The following TGFA variants were observed in gnomAD, a reference collection of about 807,000 sequenced individuals.
TGFA encodes the protein protransforming growth factor alpha.
In TGFA, 12 loss-of-function variants were observed where a neutral mutation model predicts 21.7. The ratio of observed to expected loss-of-function variants is 0.55; its 90% CI spans 0.35 to 0.90. The LOEUF is 0.90. TGFA is among the 40% of genes least tolerant of loss of function. The probability of loss-of-function intolerance (pLI) is 0.01; values close to 1 mark genes in which losing one functional copy is unlikely to be tolerated. For synonymous variants in TGFA, 79 were observed against 88.1 expected (o/e 0.90, Z 0.58); for missense variants, 178 against 210.8 (o/e 0.84, Z 0.96).
chr2:70,479,619 G>GAT (rs1264958318), intron 2 of TGFA, among the ~76,000 whole-genome samples: 14 of 151,578 alleles, frequency 9.2e-5, no homozygotes, highest in African/African-American at 3.4e-4. Context: ...TCTGTATATT[G>GAT]GATCACCGGG....
At chr2:70,537,874 T>G (rs1309757339) in intron 1 of TGFA, among the ~76,000 whole-genome samples, 1 of 152,168 alleles carries the variant, frequency 6.6e-6, no homozygotes, top group Non-Finnish European at 1.5e-5. Flanking sequence ...AAATTTTCAG[T>G]GCAGATGAAA....
intron 3 of TGFA, among the ~76,000 whole-genome samples, chr2:70,458,864 G>C (rs782629702): frequency 3.9e-5 from 6 of 152,212 alleles, no homozygotes; most frequent in Non-Finnish European, 8.8e-5. Context: ...TGCTCTTGCA[G>C]GGCAGGGCTT....
chr2:70,465,782 A>C, intron 2 of TGFA, 46 bp from the exon 3 acceptor site: 1 of 1,608,966 alleles, frequency 6.2e-7, no homozygotes, highest in Non-Finnish European at 8.5e-7. Context: ...AACAGCTGAC[A>C]TGCAAACCCC....
At chr2:70,487,503 G>A (rs534281742) in intron 2 of TGFA, among the ~76,000 whole-genome samples, 1 of 152,090 alleles carries the variant, frequency 6.6e-6, no homozygotes, top group Non-Finnish European at 1.5e-5. Flanking sequence ...ATATAATATT[G>A]TAGATAATTT....
At chr2:70,523,089 T>C (rs1672522953) in intron 1 of TGFA, among the ~76,000 whole-genome samples, 1 of 152,226 alleles carries the variant, frequency 6.6e-6, no homozygotes, top group Non-Finnish European at 1.5e-5. Context: ...CTGTCATCCT[T>C]ATCCAAAGCC....
Position 70,448,137 on chromosome 2 carries a change from T to C in TGFA, c.*2722A>G, listed in dbSNP as rs1669942775. On this transcript the variant is annotated 3_prime_UTR_variant, in exon 6 of 6. Transcript: ENST00000295400. The stretch of plus-strand genomic sequence containing the variant: ...GGGGACACAATGGCCAGCCCATCCC[T>C]GGCTTGGTTCCACGTGTGTCCAGCC... 6.6e-6 allele frequency: 1 copy of C among 152,206 alleles called. No homozygotes were observed. Among genetic ancestry groups the C allele is most frequent in the Admixed American group, 6.5e-5 (1 of 15,278 alleles). 9.4% of individuals were successfully genotyped at this position (152,206 alleles called of 1,614,324 possible). A position where few individuals can be genotyped will look rare whatever the true frequency, so the allele number is the denominator to read the frequency against.
At chr2:70,524,461 T>A (rs1672571355) in intron 1 of TGFA, among the ~76,000 whole-genome samples, 1 of 152,102 alleles carries the variant, frequency 6.6e-6, no homozygotes, top group Non-Finnish European at 1.5e-5. Context: ...AGGGCCCCCA[T>A]CCAAATTCCT....
chr2:70,489,510 G>A (rs1254736461), intron 2 of TGFA, among the ~76,000 whole-genome samples: 3 of 152,154 alleles, frequency 2.0e-5, no homozygotes, highest in East Asian at 3.9e-4. Context: ...CCAACTCAGG[G>A]GTCACTGATG....
chr2:70,523,571 C>T (rs1269103967), intron 1 of TGFA, among the ~76,000 whole-genome samples: 2 of 152,194 alleles, frequency 1.3e-5, no homozygotes, highest in Non-Finnish European at 2.9e-5. Flanking sequence ...CCTTCCAGGT[C>T]GAGCTCAATC....
intron 5 of TGFA, among the ~76,000 whole-genome samples, chr2:70,452,477 T>A (rs1670087583): frequency 1.6e-5 from 2 of 127,362 alleles, no homozygotes; most frequent in South Asian, 4.5e-4. Context: ...TTTAAGGTCA[T>A]TAGAGACCTT....
chr2:70,541,651 T>C (rs441086), intron 1 of TGFA, among the ~76,000 whole-genome samples: 88,291 of 152,000 alleles, frequency 0.58, 25,801 homozygotes, highest in African/African-American at 0.63. Context: ...AAGAGGCCGG[T>C]GCTGTGGCCA....
chr2:70,459,119 G>A (rs577904729), intron 3 of TGFA, among the ~76,000 whole-genome samples: 2 of 152,292 alleles, frequency 1.3e-5, no homozygotes, highest in South Asian at 2.1e-4. Context: ...ATTTCACACA[G>A]CTTGAAACGT....
chr2:70,497,389 C>A (rs7575169), intron 2 of TGFA, among the ~76,000 whole-genome samples: 9,111 of 152,308 alleles, frequency 0.06, 319 homozygotes, highest in Middle Eastern at 0.1. Context: ...TTAGGAGGCT[C>A]ATTTTAAGAT....
intron 1 of TGFA, among the ~76,000 whole-genome samples, chr2:70,542,868 C>T (rs187660986): frequency 1.3e-5 from 2 of 151,920 alleles, no homozygotes; most frequent in East Asian, 1.9e-4. Context: ...TTTGGGAGGC[C>T]GAGGTGGGCA....
chr2:70,455,969 G>A (rs1385956678), intron 4 of TGFA, among the ~76,000 whole-genome samples: 6 of 152,226 alleles, frequency 3.9e-5, no homozygotes, highest in South Asian at 2.1e-4. Context: ...CAGAGAGGAA[G>A]TACTTCTGGT....
chr2:70,453,150 C>T, intron 5 of TGFA, 68 bp downstream of exon 5: 1 of 1,389,814 alleles, frequency 7.2e-7, no homozygotes, highest in African/African-American at 1.4e-5. Context: ...GAACTTCTGC[C>T]CTGACTTGGA....
intron 2 of TGFA, among the ~76,000 whole-genome samples, chr2:70,491,395 G>T (rs1370546081): frequency 6.6e-6 from 1 of 152,126 alleles, no homozygotes; most frequent in Non-Finnish European, 1.5e-5. Flanking sequence ...CCAAACCAAA[G>T]TTTTCAGCTT....
intron 1 of TGFA, among the ~76,000 whole-genome samples, chr2:70,521,608 TGTTTGTTTG>T (rs1672462925): frequency 4.0e-5 from 4 of 101,188 alleles, no homozygotes; most frequent in Admixed American, 2.7e-4. Flanking sequence ...TTTTTGTTGT[TGTTTGTTTG>T]TTTTTTTTTT....
Position 70,545,756 on chromosome 2 carries a change from C to T in TGFA, c.40+7972G>A, listed in dbSNP as rs148113878. Among the ~76,000 whole-genome samples, 47 of 151,946 alleles carry T rather than the reference C, an allele frequency of 3.1e-4. No individual in the cohort carries two copies. In the East Asian group the frequency reaches 8.7e-3, roughly 28 times the overall value. Reference sequence around the variant, plus strand: ...AATGGGGAAAGATGCATAGTTTCTGCTACATAAAAATAAAAACCTTAGGTA... The same window carrying T: ...AATGGGGAAAGATGCATAGTTTCTGTTACATAAAAATAAAAACCTTAGGTA... On this transcript the variant is annotated intron_variant, in intron 1 of 5. Transcript: ENST00000295400.
Sources: allele counts gnomAD v4.1 joint callset (sites outside exome capture counted in the v4.1 genomes callset), GRCh38; gene constraint gnomAD v4.1.1; transcripts MANE v1.5; gene names NCBI Gene and HGNC (gene_info 2026-07-23, HGNC 2026-07-21).